Variants in AGBL1 observed in about 807,000 individuals in gnomAD.
The protein encoded by AGBL1 is AGBL carboxypeptidase 1.
In AGBL1, 130 loss-of-function variants were observed where a neutral mutation model predicts 118.9. The observed-to-expected ratio is 1.09, with a 90% CI of 0.95 to 1.26. The LOEUF (loss-of-function observed/expected upper bound fraction) is 1.26, where lower values mean the gene tolerates loss of function less well. Ranked by LOEUF, AGBL1 falls within the 50% of genes most tolerant of loss-of-function variation. AGBL1 has a pLI of 0.00. For missense variants in AGBL1, 1,584 were observed against 1,298.1 expected, an observed-to-expected ratio of 1.22 and a Z score of -3.38; for synonymous variants, 555 against 478.9, an observed-to-expected ratio of 1.16 and a Z score of -2.08.
chr15:86,792,260 C>A (rs1416827245), intron 22 of AGBL1, among the ~76,000 whole-genome samples: 1 of 152,062 alleles, frequency 6.6e-6, no homozygotes. Context: ...TGTTCAGTGC[C>A]TTTCTTCTCT....
chr15:86,508,324 A>G (rs796831397), intron 18 of AGBL1, among the ~76,000 whole-genome samples: 4 of 152,214 alleles, frequency 2.6e-5, no homozygotes, highest in African/African-American at 9.6e-5. Flanking sequence ...ACCAACACAA[A>G]AGCTTTTCTG....
chr15:86,313,878 T>C (rs2079957693), intron 17 of AGBL1, among the ~76,000 whole-genome samples: 1 of 152,202 alleles, frequency 6.6e-6, no homozygotes, highest in Non-Finnish European at 1.5e-5. Flanking sequence ...TTTTCAACCC[T>C]GTATTGTTCA....
intron 23 of AGBL1, among the ~76,000 whole-genome samples, chr15:86,982,458 G>C (rs1165983693): frequency 6.6e-6 from 1 of 150,558 alleles, no homozygotes; most frequent in Non-Finnish European, 1.5e-5. Flanking sequence ...ATATACAGTT[G>C]ACTTGTGAAC....
At chr15:86,469,479 C>T (rs1363447248) in intron 18 of AGBL1, among the ~76,000 whole-genome samples, 1 of 152,164 alleles carries the variant, frequency 6.6e-6, no homozygotes, top group East Asian at 1.9e-4. Context: ...ATCCATTCAT[C>T]TCTCCATGGA....
At chr15:86,256,147 C>G (rs1257879882) in intron 7 of AGBL1, among the ~76,000 whole-genome samples, 1 of 152,216 alleles carries the variant, frequency 6.6e-6, no homozygotes, top group African/African-American at 2.4e-5. Flanking sequence ...ATACTCAACT[C>G]TCTGTCTCTC....
chr15:86,343,262 G>A (rs1567208742), intron 17 of AGBL1, among the ~76,000 whole-genome samples: 1 of 152,162 alleles, frequency 6.6e-6, no homozygotes, highest in Non-Finnish European at 1.5e-5. Flanking sequence ...GATAAAGGGA[G>A]GAAGAGTGAC....
intron 17 of AGBL1, among the ~76,000 whole-genome samples, chr15:86,388,810 G>T (rs17670474): frequency 0.016 from 2,445 of 152,172 alleles, 30 homozygotes; most frequent in Non-Finnish European, 0.026. Flanking sequence ...TTCCTGCCTT[G>T]CCTACTTCAC....
intron 3 of AGBL1, among the ~76,000 whole-genome samples, chr15:86,149,811 C>G (rs545934262): frequency 6.6e-6 from 1 of 152,308 alleles, no homozygotes; most frequent in Admixed American, 6.5e-5. Flanking sequence ...CACCCCAAAT[C>G]AACAGAATAT....
At chr15:86,404,662 A>G (rs1404399199) in intron 18 of AGBL1, among the ~76,000 whole-genome samples, 1 of 152,210 alleles carries the variant, frequency 6.6e-6, no homozygotes, top group African/African-American at 2.4e-5. Flanking sequence ...CTGAGATCCC[A>G]AACAATTGAC....
intron 24 of AGBL1, among the ~76,000 whole-genome samples, chr15:87,011,379 G>A (rs564835940): frequency 1.3e-5 from 2 of 152,204 alleles, no homozygotes; most frequent in African/African-American, 4.8e-5. Flanking sequence ...TGTAATAGAA[G>A]CCAGCATTAT....
intron 22 of AGBL1, among the ~76,000 whole-genome samples, chr15:86,674,762 G>A (rs78994732): frequency 1.5e-3 from 235 of 152,196 alleles, no homozygotes; most frequent in African/African-American, 5.3e-3. Context: ...TATGTATACA[G>A]ATAACATTTT....
At chr15:86,928,642 G>T (rs143285458) in intron 23 of AGBL1, among the ~76,000 whole-genome samples, 2 of 152,134 alleles carry the variant, frequency 1.3e-5, no homozygotes, top group East Asian at 3.9e-4. Context: ...CAAGTACCAT[G>T]CATGTTTTCT....
chr15:86,805,209 T>C (rs2078699894), intron 22 of AGBL1, among the ~76,000 whole-genome samples: 2 of 151,966 alleles, frequency 1.3e-5, no homozygotes, highest in Admixed American at 1.3e-4. Flanking sequence ...TTTTTTCCTA[T>C]TGCTCAAAAT....
chr15:86,545,817 A>G (rs2083571925), intron 19 of AGBL1, among the ~76,000 whole-genome samples, 185 bp from the exon 20 acceptor site: 1 of 152,182 alleles, frequency 6.6e-6, no homozygotes, highest in South Asian at 2.1e-4. Flanking sequence ...GATACAATCA[A>G]TGCCACTCTT....
chr15:86,766,896 C>T (rs796898997), intron 22 of AGBL1, among the ~76,000 whole-genome samples: 156 of 151,874 alleles, frequency 1.0e-3, no homozygotes, highest in African/African-American at 3.6e-3. Flanking sequence ...ATTAACAAGA[C>T]AACCTACAGA....
intron 18 of AGBL1, among the ~76,000 whole-genome samples, chr15:86,421,988 A>G (rs530449346): frequency 7.7e-4 from 117 of 152,342 alleles, no homozygotes; most frequent in African/African-American, 2.7e-3. Flanking sequence ...TTAGACTCCC[A>G]CACAATAATA....
At chr15:86,181,031 A>C (rs1478078070) in intron 5 of AGBL1, among the ~76,000 whole-genome samples, 3 of 152,156 alleles carry the variant, frequency 2.0e-5, no homozygotes, top group Non-Finnish European at 4.4e-5. Flanking sequence ...GAATTGGCAA[A>C]GAAGAACACC....
intron 6 of AGBL1, among the ~76,000 whole-genome samples, chr15:86,233,258 C>A (rs1320013677): frequency 1.3e-5 from 2 of 152,164 alleles, no homozygotes; most frequent in South Asian, 2.1e-4. Context: ...TAAACTAGTT[C>A]TTTGCTAGTT....
chr15:86,121,970 G>A (rs889920117), intron 1 of AGBL1, among the ~76,000 whole-genome samples: 10 of 152,194 alleles, frequency 6.6e-5, no homozygotes. Flanking sequence ...GGGAAAGAAA[G>A]CCAGAGAACA....
Sources: gnomAD v4.1 joint callset for allele counts (sites outside exome capture counted in the v4.1 genomes callset) on GRCh38, gnomAD v4.1.1 for gene constraint, MANE v1.5 for transcripts, NCBI Gene and HGNC (gene_info 2026-07-23, HGNC 2026-07-21) for gene names.